Variants in GALNTL5 observed in about 807,000 individuals in gnomAD.
The protein encoded by GALNTL5 is polypeptide N-acetylgalactosaminyltransferase like 5.
A neutral mutation model predicts 51.0 loss-of-function variants in GALNTL5; 44 were observed. The ratio of observed to expected loss-of-function variants is 0.86; its 90% CI spans 0.68 to 1.11. The LOEUF (loss-of-function observed/expected upper bound fraction) is 1.11, where lower values mean the gene tolerates loss of function less well. Among genes scored for constraint, GALNTL5 ranks in the 50% least tolerant of loss-of-function variants. GALNTL5 has a pLI of 0.00. For missense variants in GALNTL5, 528 were observed against 531.8 expected (o/e 0.99, Z 0.07); for synonymous variants, 192 against 182.8 (o/e 1.05, Z -0.41).
Position 152,014,699 on chromosome 7 carries a change from T to C in GALNTL5, c.1082T>C (p.Ile361Thr). 2.5e-6 allele frequency: 4 copies of C among 1,613,956 alleles called. No homozygotes were observed. Among genetic ancestry groups the C allele is most frequent in the Non-Finnish European group, 3.4e-6 (4 of 1,179,872 alleles). Reference protein sequence around the residue: ...FIIPCSRVGHISKKQTGKPST... With the variant: ...FIIPCSRVGHTSKKQTGKPST... Reference sequence around the variant, plus strand: ...ATCCCCTGCTCTCGAGTAGGACATATCAGTAAGAAACAAACTGGAAAACCT... The same window carrying C: ...ATCCCCTGCTCTCGAGTAGGACATACCAGTAAGAAACAAACTGGAAAACCT... The change falls in exon 8 of 9, where the codon ATC becomes ACC. Residue 361 changes from isoleucine (I) to threonine (T), a missense_variant. By Grantham distance (89) the Ile-to-Thr change is moderately conservative. Transcript: ENST00000392800.
At chr7:152,007,025 C>T (rs2081653774) in intron 6 of GALNTL5, among the ~76,000 whole-genome samples, 4 of 152,154 alleles carry the variant, frequency 2.6e-5, no homozygotes, top group Admixed American at 2.6e-4. Flanking sequence ...GCCTCAGCCT[C>T]CCAAGTGTTG....
intron 6 of GALNTL5, among the ~76,000 whole-genome samples, chr7:152,006,144 G>A (rs938981837): frequency 2.0e-5 from 3 of 152,182 alleles, no homozygotes; most frequent in African/African-American, 7.2e-5. Flanking sequence ...GCCCAGGGAG[G>A]CATGTGTGTC....
intron 6 of GALNTL5, among the ~76,000 whole-genome samples, chr7:152,006,837 G>A (rs1034215152): frequency 1.3e-5 from 2 of 152,136 alleles, no homozygotes; most frequent in African/African-American, 2.4e-5. Flanking sequence ...GCAGTGGTGC[G>A]ATCTCAGCTC....
intron 7 of GALNTL5, among the ~76,000 whole-genome samples, chr7:152,011,601 A>C (rs1017352514): frequency 3.9e-5 from 6 of 152,228 alleles, no homozygotes; most frequent in Non-Finnish European, 8.8e-5. Flanking sequence ...TTAGATATCA[A>C]TGCCAGTTTA....
chr7:151,992,151 G>GT (rs2081435858), intron 5 of GALNTL5, among the ~76,000 whole-genome samples: 1 of 152,126 alleles, frequency 6.6e-6, no homozygotes, highest in Non-Finnish European at 1.5e-5. Flanking sequence ...GTTAGTGGTT[G>GT]GTGGGTAGAG....
chr7:152,004,216 G>A (rs188250063), intron 6 of GALNTL5, among the ~76,000 whole-genome samples: 33 of 151,496 alleles, frequency 2.2e-4, no homozygotes, highest in Admixed American at 2.1e-3. Flanking sequence ...GTTTTCAAGG[G>A]CTAATTAACT....
At chr7:152,000,539 A>G (rs1450569975) in intron 5 of GALNTL5, among the ~76,000 whole-genome samples, 1 of 152,078 alleles carries the variant, frequency 6.6e-6, no homozygotes, top group Non-Finnish European at 1.5e-5. Flanking sequence ...TCCCAACAGC[A>G]CTGGACAAGT....
chr7:151,983,196 T>C (rs764473414), intron 4 of GALNTL5, 44 bp downstream of exon 4: 10 of 1,531,766 alleles, frequency 6.5e-6, no homozygotes, highest in Non-Finnish European at 8.1e-6. Flanking sequence ...GTTGTTGTTG[T>C]TGTTGAGATT....
In GALNTL5 at chr7:152,019,792, C is replaced by A. The variant is rs575472348; in HGVS notation, c.1323C>A (p.Asn441Lys). ...NVFPELEASV[N>K]SL ...TCCCAGAGTTGGAGGCATCTGTGAA[C>A]AGCCTGTGAAAGGAAAACAAATCAC... The change falls in exon 9 of 9, where the codon AAC (asparagine) becomes AAA (lysine). Residue 441 changes from asparagine (N) to lysine (K), a missense_variant. By Grantham distance (94) the Asn-to-Lys change is moderately conservative. Transcript: ENST00000392800. 16 of 1,610,630 alleles carry A rather than the reference C, an allele frequency of 9.9e-6. 1 individual carries two copies. In the South Asian group the frequency reaches 1.8e-4, roughly 18 times the overall value.
rs1237999276 is a variant in GALNTL5 at position 151,967,260 on chromosome 7, T to C, written c.14T>C (p.Ile5Thr). Reference sequence around the variant, plus strand: ...GCTAGATTTACAATGAGAAATGCCATAATTCAAGGTTTATTCTATGGGTCC... The same window carrying C: ...GCTAGATTTACAATGAGAAATGCCACAATTCAAGGTTTATTCTATGGGTCC... MRNA[I>T]IQGLFYGSLT... is the part of the protein sequence containing the mutation. Residue 5 changes from isoleucine to threonine, a missense_variant, in exon 2 of 9, where the codon ATA becomes ACA. Transcript: ENST00000392800. 1.9e-6 allele frequency: 3 copies of C among 1,610,184 alleles called. No homozygotes were observed. Among genetic ancestry groups the C allele is most frequent in the South Asian group, 2.2e-5 (2 of 90,384 alleles).
At chr7:151,976,672 A>G (rs957668248) in intron 3 of GALNTL5, among the ~76,000 whole-genome samples, 2 of 151,930 alleles carry the variant, frequency 1.3e-5, no homozygotes, top group Admixed American at 6.6e-5. Flanking sequence ...CCACTTTTAT[A>G]TATATATATT....
At chr7:152,005,221 C>T (rs2081628716) in intron 6 of GALNTL5, among the ~76,000 whole-genome samples, 1 of 126,472 alleles carries the variant, frequency 7.9e-6, no homozygotes, top group East Asian at 2.0e-4. Context: ...TTTTGGAAAA[C>T]TTAACACACA....
chr7:151,988,679 G>A (rs2081391198), intron 5 of GALNTL5, among the ~76,000 whole-genome samples: 2 of 150,466 alleles, frequency 1.3e-5, no homozygotes, highest in Non-Finnish European at 3.0e-5. Context: ...ATATGCACGT[G>A]TGTATACACA....
rs181370319 is a variant in GALNTL5 at position 151,989,759 on chromosome 7, G to A, written c.658+2478G>A. ...GATGAATATGGCCCGTCTTTTTAAT[G>A]TTTGCCACAGTTGGCCAAAAAATAG... On this transcript the variant is annotated intron_variant, in intron 5 of 8. Transcript: ENST00000392800. 1.4e-3 allele frequency among the ~76,000 whole-genome samples: 219 copies of A among 152,220 alleles called. 2 individuals are homozygous for A. The highest frequency in any genetic ancestry group is 1.9e-3 in the Non-Finnish European group (127 of 67,998).
chr7:151,998,965 C>T (rs116074578), intron 5 of GALNTL5, among the ~76,000 whole-genome samples: 2,505 of 152,124 alleles, frequency 0.016, 57 homozygotes, highest in African/African-American at 0.056. Context: ...CATTTCGCAC[C>T]TTCACAATGT....
chr7:151,965,680 G>A (rs143475110), intron 1 of GALNTL5, among the ~76,000 whole-genome samples: 2,951 of 152,108 alleles, frequency 0.019, 163 homozygotes, highest in Admixed American at 0.11. Context: ...GGAGTTCAAG[G>A]CCAGCCTGGG....
At chr7:151,978,652 A>C (rs892472740) in intron 3 of GALNTL5, among the ~76,000 whole-genome samples, 7 of 152,334 alleles carry the variant, frequency 4.6e-5, no homozygotes, top group Non-Finnish European at 8.8e-5. Flanking sequence ...TCAGTTTTGG[A>C]GGCCAGAAAT....
At chr7:152,007,299 G>A (rs1028026695) in intron 6 of GALNTL5, among the ~76,000 whole-genome samples, 15 of 151,736 alleles carry the variant, frequency 9.9e-5, no homozygotes, top group African/African-American at 1.9e-4. Context: ...AGAATATATC[G>A]CATACACATT....
At chr7:151,986,545 G>C (rs920602067) in intron 4 of GALNTL5, among the ~76,000 whole-genome samples, 1 of 151,904 alleles carries the variant, frequency 6.6e-6, no homozygotes, top group Non-Finnish European at 1.5e-5. Flanking sequence ...TGAGGCACGA[G>C]GATTGCTTGA....
Sources: gnomAD v4.1 joint callset for allele counts (sites outside exome capture counted in the v4.1 genomes callset) on GRCh38, gnomAD v4.1.1 for gene constraint, MANE v1.5 for transcripts, NCBI Gene and HGNC (gene_info 2026-07-23, HGNC 2026-07-21) for gene names.